The following KLRG1 variants were observed in gnomAD, a reference collection of about 807,000 sequenced individuals.
KLRG1 encodes killer cell lectin-like receptor subfamily G member 1.
In KLRG1, 16 loss-of-function variants were observed where a neutral mutation model predicts 21.8. The observed-to-expected ratio is 0.73, with a 90% confidence interval of 0.50 to 1.11. The LOEUF (loss-of-function observed/expected upper bound fraction) is 1.11. Among genes scored for constraint, KLRG1 ranks in the 50% most tolerant of loss-of-function variants. The probability of loss-of-function intolerance (pLI) is 0.00; values close to 1 mark genes in which losing one functional copy is unlikely to be tolerated. For synonymous variants in KLRG1, 69 were observed against 75.9 expected (o/e 0.91, Z 0.47); for missense variants, 173 against 218.3 (o/e 0.79, Z 1.31).
intron 1 of KLRG1, among the ~76,000 whole-genome samples, chr12:8,991,398 T>C (rs745817803): frequency 6.6e-6 from 1 of 152,338 alleles, no homozygotes; most frequent in East Asian, 1.9e-4. Flanking sequence ...TTCTGAAATG[T>C]AGATTATTTT....
At chr12:9,169,844 T>C in the KLRG1 span, 41 of 327,310 alleles carry the variant, frequency 1.3e-4, no homozygotes, top group Non-Finnish European at 1.9e-4. Context: ...TAAAACTTCA[T>C]TGTAGAGTCT....
chr12:9,040,364 G>C, the KLRG1 span, among the ~76,000 whole-genome samples: 3 of 152,140 alleles, frequency 2.0e-5, no homozygotes, highest in Admixed American at 6.5e-5. Context: ...TCCAAGTCAG[G>C]AAATCTTTCC....
At chr12:9,186,958 C>A in the KLRG1 span, among the ~76,000 whole-genome samples, 1 of 151,030 alleles carries the variant, frequency 6.6e-6, no homozygotes, top group African/African-American at 2.4e-5. Context: ...ATGTAACAAA[C>A]CTGCACGTTC....
the KLRG1 span, among the ~76,000 whole-genome samples, chr12:9,083,328 A>G: frequency 6.6e-6 from 1 of 152,084 alleles, no homozygotes; most frequent in African/African-American, 2.4e-5. Context: ...AACATGGCAC[A>G]TGTATACATA....
chr12:8,966,188 C>T (rs1156710236), intron 1 of KLRG1, among the ~76,000 whole-genome samples: 2 of 152,168 alleles, frequency 1.3e-5, no homozygotes, highest in Non-Finnish European at 2.9e-5. Context: ...AAAATTAATT[C>T]AAGATGGATT....
the KLRG1 span, among the ~76,000 whole-genome samples, chr12:9,083,562 G>C: frequency 6.6e-6 from 1 of 151,884 alleles, no homozygotes; most frequent in Non-Finnish European, 1.5e-5. Flanking sequence ...AGAAGAATCA[G>C]TGAGCTCAAA....
the KLRG1 span, chr12:9,157,499 A>C: frequency 1.1e-4 from 91 of 835,848 alleles, no homozygotes; most frequent in Non-Finnish European, 1.5e-4. Flanking sequence ...TTAAATAGAA[A>C]AATATTTCGA....
intron 1 of KLRG1, among the ~76,000 whole-genome samples, chr12:8,978,431 C>T (rs777219933): frequency 6.6e-6 from 1 of 152,178 alleles, no homozygotes; most frequent in Non-Finnish European, 1.5e-5. Flanking sequence ...CTGCCTTGGT[C>T]TCCCAAAGTC....
At chr12:9,203,732 C>G in the KLRG1 span, 1 of 1,607,814 alleles carries the variant, frequency 6.2e-7, no homozygotes, top group Non-Finnish European at 8.5e-7. Flanking sequence ...TAAAATGTAT[C>G]AAGCAGGGAT....
the KLRG1 span, chr12:9,036,263 G>T: frequency 3.9e-5 from 6 of 152,276 alleles, no homozygotes; most frequent in Admixed American, 3.9e-4. Flanking sequence ...CTGTGAGGCG[G>T]CTGACCAGCC....
chr12:9,165,288 C>T, the KLRG1 span: 50 of 1,614,058 alleles, frequency 3.1e-5, no homozygotes, highest in South Asian at 1.8e-4. Flanking sequence ...CCAGCATCTT[C>T]GGACAGGCAG....
At chr12:9,177,547 G>T in the KLRG1 span, among the ~76,000 whole-genome samples, 1 of 152,172 alleles carries the variant, frequency 6.6e-6, no homozygotes, top group Non-Finnish European at 1.5e-5. Flanking sequence ...GAAGAAAATT[G>T]TTATGCAGCA....
intron 3 of KLRG1, 52 bp downstream of exon 3, chr12:8,995,340 GTT>G: frequency 1.4e-6 from 2 of 1,477,664 alleles, no homozygotes; most frequent in Non-Finnish European, 1.8e-6. Flanking sequence ...TTTTGTTTTT[GTT>G]TTTAAACTGC....
At chr12:9,095,077 C>T in the KLRG1 span, 2 of 1,561,102 alleles carry the variant, frequency 1.3e-6, no homozygotes, top group Non-Finnish European at 8.7e-7. Context: ...TGCCTTTAAG[C>T]CCATGTCCTG....
the KLRG1 span, among the ~76,000 whole-genome samples, chr12:9,193,707 A>G: frequency 6.6e-6 from 1 of 152,320 alleles, no homozygotes; most frequent in East Asian, 1.9e-4. Context: ...GTCATTAGAC[A>G]GTGTATATTA....
chr12:9,188,883 C>G, the KLRG1 span, among the ~76,000 whole-genome samples: 1 of 151,970 alleles, frequency 6.6e-6, no homozygotes, highest in Non-Finnish European at 1.5e-5. Context: ...AGAGATGACA[C>G]AAACAAATGG....
chr12:9,127,819 G>C, the KLRG1 span: 1 of 225,782 alleles, frequency 4.4e-6, no homozygotes, highest in Non-Finnish European at 9.2e-6. Context: ...GGCTCTGGAG[G>C]AGGCCGGGTG....
chr12:9,003,092 T>C (rs1034531865), intron 3 of KLRG1, among the ~76,000 whole-genome samples: 11 of 152,098 alleles, frequency 7.2e-5, no homozygotes, highest in African/African-American at 2.7e-4. Flanking sequence ...GACTGACTGA[T>C]CAAGTGATTT....
chr12:8,962,122 A>G lies in KLRG1; in HGVS notation c.-156+11886A>G, dbSNP rs553697124. Among the ~76,000 whole-genome samples the G allele has an allele frequency of 1.1e-3, 164 of 152,256 alleles. 3 individuals are homozygous for G. In the South Asian group the frequency reaches 0.029, roughly 27 times the overall value. The stretch of plus-strand genomic sequence containing the variant: ...GCTAAGAAGGAGGTAAATGTGATCT[A>G]TAACAAGGAGAAAAAAAATTAATAG... On this transcript the variant is annotated intron_variant, in intron 1 of 4. Transcript: ENST00000539240.
Sources: gnomAD v4.1 joint callset for allele counts (sites outside exome capture counted in the v4.1 genomes callset) on GRCh38, gnomAD v4.1.1 for gene constraint, MANE v1.5 for transcripts, NCBI Gene and HGNC (gene_info 2026-07-23, HGNC 2026-07-21) for gene names.